IL7: variants seen among roughly 807,000 people sequenced by gnomAD.
The protein encoded by IL7 is interleukin-7.
In IL7, 3 loss-of-function variants were observed where a neutral mutation model predicts 21.6. That is an observed-to-expected ratio of 0.14 (90% CI 0.06 to 0.36). The LOEUF (loss-of-function observed/expected upper bound fraction) is 0.36. IL7 is among the 10% of genes least tolerant of loss of function. IL7 has a pLI of 1.00. For synonymous variants in IL7, 62 were observed against 68.1 expected (o/e 0.91, Z 0.44); for missense variants, 175 against 200.2 (o/e 0.87, Z 0.76).
At chr8:78,729,872 T>C (rs1196278749), downstream of IL7, among the ~76,000 whole-genome samples, 1 of 151,972 alleles carries the variant, frequency 6.6e-6, no homozygotes. Context: ...AAGATAGAAA[T>C]TGGCAAACAT....
Position 78,790,476 on chromosome 8 carries a change from T to G in IL7, c.147+7596A>C, listed in dbSNP as rs1291147880. ...TTAGCTCTGGGTTTTCATTAATTTA[T>G]GGTGTTGATTAACAATCCATAAATT... On this transcript the variant is annotated intron_variant, in intron 2 of 5. Transcript: ENST00000263851. Among the ~76,000 whole-genome samples, 4 of 152,160 alleles carry G rather than the reference T, an allele frequency of 2.6e-5. No homozygotes were observed. In the East Asian group the frequency reaches 7.7e-4, roughly 29 times the overall value.
chr8:78,760,955 G>T (rs1812534314), intron 2 of IL7: 1 of 1,568,570 alleles, frequency 6.4e-7, no homozygotes, highest in East Asian at 2.2e-5. Context: ...TCTTGTAAAA[G>T]ATAGGACATT....
chr8:78,699,848 T>TATGTACTATA (rs1810544657), intron 3 of IL7, among the ~76,000 whole-genome samples: 1 of 152,198 alleles, frequency 6.6e-6, no homozygotes, highest in Non-Finnish European at 1.5e-5. Context: ...ATGTACTATA[T>TATGTACTATA]TTTCTTTATC....
rs562225040 is a variant in IL7 at position 78,745,416 on chromosome 8, T to C, written c.148-5334A>G. On this transcript the variant is annotated intron_variant, in intron 2 of 5. Coordinates refer to ENST00000263851, the MANE Select transcript of IL7 (RefSeq NM_000880.4). ...GAGTATTCATTTCTGGTTTTTATTT[T>C]AGTCTCTGTATTTCTCCAAAATCCA... Among the ~76,000 whole-genome samples, 7 of 152,338 alleles carry C rather than the reference T, an allele frequency of 4.6e-5. 1 individual carries two copies. Among genetic ancestry groups the C allele is most frequent in the South Asian group, 4.1e-4 (2 of 4,828 alleles).
At chr8:78,723,385 A>G (rs1055163118) in intron 3 of IL7, among the ~76,000 whole-genome samples, 2 of 151,994 alleles carry the variant, frequency 1.3e-5, no homozygotes, top group African/African-American at 4.8e-5. Context: ...AACTGGATCT[A>G]TCACTGGCAA....
chr8:78,689,260 GA>G, intron 3 of IL7: 1 of 1,591,224 alleles, frequency 6.3e-7, no homozygotes, highest in Non-Finnish European at 8.6e-7. Flanking sequence ...GAGATTCAAT[GA>G]AAATGCAGCT....
At chr8:78,754,015 C>G (rs1812264773) in intron 2 of IL7, among the ~76,000 whole-genome samples, 1 of 152,100 alleles carries the variant, frequency 6.6e-6, no homozygotes, top group South Asian at 2.1e-4. Context: ...TCTCACCACT[C>G]CTATTCAACA....
downstream of IL7, among the ~76,000 whole-genome samples, chr8:78,716,398 C>T (rs1811104152): frequency 6.6e-6 from 1 of 152,124 alleles, no homozygotes; most frequent in South Asian, 2.1e-4. Context: ...GCTGGGATTA[C>T]AGGTGTGAGC....
Position 78,778,786 on chromosome 8 carries a change from T to C in IL7, c.147+19286A>G, listed in dbSNP as rs1418013977. ...TTTTTTCTAATTCTGGGAAGAATGT[T>C]AATGGTAATTTAATGGGAGTAGCAT... On this transcript the variant is annotated intron_variant, in intron 2 of 5. Coordinates refer to ENST00000263851, the MANE Select transcript of IL7 (RefSeq NM_000880.4). 2.0e-5 allele frequency among the ~76,000 whole-genome samples: 3 copies of C among 152,096 alleles called. No homozygotes were observed. The East Asian group carries it at 5.8e-4, about 29-fold the overall frequency.
intron 2 of IL7, among the ~76,000 whole-genome samples, chr8:78,780,469 T>C (rs760154931): frequency 4.8e-4 from 73 of 152,220 alleles, no homozygotes; most frequent in Non-Finnish European, 8.7e-4. Flanking sequence ...TCCTGACTTG[T>C]GCCTTAAGTT....
At chr8:78,712,191 G>C in intron 3 of IL7, 1 of 659,532 alleles carries the variant, frequency 1.5e-6, no homozygotes, top group South Asian at 1.9e-5. Context: ...AACTTTTACT[G>C]TCCTATACTT....
At chr8:78,768,517 G>A (rs1812836017) in intron 2 of IL7, among the ~76,000 whole-genome samples, 1 of 149,922 alleles carries the variant, frequency 6.7e-6, no homozygotes, top group Non-Finnish European at 1.5e-5. Context: ...TTCTCTGATG[G>A]CCAGTGATGG....
intron 2 of IL7, among the ~76,000 whole-genome samples, chr8:78,781,543 C>A (rs557641992): frequency 6.6e-6 from 1 of 152,228 alleles, no homozygotes; most frequent in East Asian, 1.9e-4. Flanking sequence ...TGAATATTGG[C>A]CCCCAATCTC....
intron 3 of IL7, among the ~76,000 whole-genome samples, chr8:78,712,773 C>G (rs1015533867): frequency 6.6e-6 from 1 of 152,052 alleles, no homozygotes; most frequent in African/African-American, 2.4e-5. Context: ...AATTCTAGCC[C>G]ACATTTTAAA....
At position 78,804,964 on chromosome 8, in the gene IL7, A is replaced by T; in HGVS notation, c.-42T>A. The T allele has an allele frequency of 6.2e-7, 1 of 1,604,048 alleles. No homozygotes were observed. Among genetic ancestry groups the T allele is most frequent in the Non-Finnish European group, 8.5e-7 (1 of 1,173,982 alleles). ...GCGTAGTCATGATGACCGCAACTGG[A>T]GCAGGAGCAAGCTCTCACCGCCCAT... On this transcript the variant is annotated 5_prime_UTR_variant, in exon 1 of 6. Coordinates refer to ENST00000263851, the MANE Select transcript of IL7 (RefSeq NM_000880.4).
chr8:78,760,956 A>T, intron 2 of IL7: 1 of 1,569,108 alleles, frequency 6.4e-7, no homozygotes, highest in Non-Finnish European at 8.6e-7. Flanking sequence ...CTTGTAAAAG[A>T]TAGGACATTT....
At chr8:78,791,639 C>T (rs1285983426) in intron 2 of IL7, among the ~76,000 whole-genome samples, 1 of 152,014 alleles carries the variant, frequency 6.6e-6, no homozygotes, top group African/African-American at 2.4e-5. Context: ...GACTCTGTCT[C>T]TAAATAAATC....
intron 3 of IL7, chr8:78,698,511 A>G (rs1009426992): frequency 3.7e-6 from 6 of 1,600,558 alleles, no homozygotes; most frequent in Non-Finnish European, 4.3e-6. Flanking sequence ...CCCCTCATGC[A>G]GGGTAAGTCT....
chr8:78,697,823 C>T (rs926771862), intron 3 of IL7, among the ~76,000 whole-genome samples: 4 of 151,646 alleles, frequency 2.6e-5, no homozygotes, highest in Non-Finnish European at 4.4e-5. Context: ...GGACTATAGG[C>T]GGGTGCCACC....
Sources: gnomAD v4.1 joint callset for allele counts (sites outside exome capture counted in the v4.1 genomes callset) on GRCh38, gnomAD v4.1.1 for gene constraint, MANE v1.5 for transcripts, NCBI Gene and HGNC (gene_info 2026-07-23, HGNC 2026-07-21) for gene names.